The following RUNX1 variants were observed in gnomAD, a reference collection of about 807,000 sequenced individuals.
RUNX1 encodes runt-related transcription factor 1.
A neutral mutation model predicts 42.8 loss-of-function variants in RUNX1; 19 were observed. That is an observed-to-expected ratio of 0.44 (90% CI 0.31 to 0.65). The LOEUF (loss-of-function observed/expected upper bound fraction) is 0.65, where lower values mean the gene tolerates loss of function less well. Ranked by LOEUF, RUNX1 falls within the 30% of genes least tolerant of loss-of-function variation. The pLI is 0.07. For synonymous variants in RUNX1, 271 were observed against 289.4 expected (o/e 0.94, Z 0.64); for missense variants, 528 against 672.0 (o/e 0.79, Z 2.37).
Position 34,931,750 on chromosome 21 carries a change from A to G in RUNX1, c.59-38787T>C, listed in dbSNP as rs1296027029. 3.3e-5 allele frequency among the ~76,000 whole-genome samples: 5 copies of G among 151,682 alleles called. No individual in the cohort carries two copies. In the East Asian group the frequency reaches 9.7e-4, roughly 29 times the overall value. On this transcript the variant is annotated intron_variant, in intron 2 of 8. Transcript: ENST00000675419. The stretch of plus-strand genomic sequence containing the variant: ...GTGATCAATTATTGATGTCTGCAAC[A>G]GGCAAGAGGGGAAGATGTGGCTGGC...
intron 2 of RUNX1, among the ~76,000 whole-genome samples, chr21:34,956,974 G>A (rs1462443350): frequency 2.6e-5 from 4 of 152,198 alleles, no homozygotes; most frequent in Admixed American, 6.5e-5. Context: ...ACGTGGCAGG[G>A]CCACGGGTTA....
chr21:34,867,299 G>A (rs752215091), intron 5 of RUNX1, among the ~76,000 whole-genome samples: 1 of 152,042 alleles, frequency 6.6e-6, no homozygotes, highest in Non-Finnish European at 1.5e-5. Context: ...AATTAGCTGG[G>A]CATGGTGGCA....
intron 2 of RUNX1, among the ~76,000 whole-genome samples, chr21:34,904,301 AT>A (rs1160550781): frequency 1.3e-5 from 2 of 152,106 alleles, no homozygotes; most frequent in African/African-American, 4.8e-5. Flanking sequence ...GAGTGGAAAG[AT>A]TTTTTTAATA....
At chr21:34,998,867 C>T (rs2059018776) in intron 2 of RUNX1, among the ~76,000 whole-genome samples, 1 of 152,162 alleles carries the variant, frequency 6.6e-6, no homozygotes, top group Non-Finnish European at 1.5e-5. Context: ...CAAAACAAAC[C>T]ACAAACGCTC....
Position 34,928,725 on chromosome 21 carries a change from T to A in RUNX1, c.59-35762A>T, listed in dbSNP as rs76438794. Among the ~76,000 whole-genome samples the A allele has an allele frequency of 8.4e-3, 1,278 of 151,800 alleles. 15 individuals are homozygous for A. The highest frequency in any genetic ancestry group is 0.03 in the African/African-American group (1,229 of 41,338). ...GTTACAACTAGAAGGCTGATTTAGA[T>A]TTTTTGGCCAAAGTTATATGTTTCT... On this transcript the variant is annotated intron_variant, in intron 2 of 8. Transcript: ENST00000675419.
chr21:35,017,203 C>A (rs186011757), intron 2 of RUNX1, among the ~76,000 whole-genome samples: 1 of 152,248 alleles, frequency 6.6e-6, no homozygotes, highest in Admixed American at 6.5e-5. Context: ...AGGGGTAAAG[C>A]CTTTCTTTCC....
chr21:34,993,664 CAG>C (rs762343143), intron 2 of RUNX1, among the ~76,000 whole-genome samples: 4 of 134,302 alleles, frequency 3.0e-5, no homozygotes, highest in Non-Finnish European at 6.3e-5. Flanking sequence ...CACAGACACA[CAG>C]AGACACACAC....
rs543640352 is a variant in RUNX1 at position 34,931,349 on chromosome 21, T to TATAA, written c.59-38387_59-38386insTTAT. ...ATATATACACATTTATATATATATA[T>TATAA]ACATGTGTATATATATGTGTATATA... On this transcript the variant is annotated intron_variant, in intron 2 of 8. Coordinates refer to ENST00000675419, the MANE Select transcript of RUNX1 (RefSeq NM_001754.5). Among the ~76,000 whole-genome samples the TATAA allele has an allele frequency of 7.6e-3, 1,115 of 145,986 alleles. 8 individuals carry two copies. Among genetic ancestry groups the TATAA allele is most frequent in the African/African-American group, 0.019 (758 of 39,292 alleles).
chr21:34,862,466 A>G (rs7275871), intron 5 of RUNX1, among the ~76,000 whole-genome samples: 9,360 of 152,204 alleles, frequency 0.061, 664 homozygotes, highest in African/African-American at 0.17. Context: ...AGAAATTAAG[A>G]CTTTCACAAT....
rs2145859646 is a variant in RUNX1, at chr21:34,789,033, A to G, written c.*3102T>C. 4.3e-6 allele frequency: 1 copy of G among 233,360 alleles called. No individual in the cohort carries two copies. The highest frequency in any genetic ancestry group is 2.2e-5 in the African/African-American group (1 of 45,482). 14.5% of individuals were successfully genotyped at this position (233,360 alleles called of 1,614,324 possible). On this transcript the variant is annotated 3_prime_UTR_variant, in exon 9 of 9. Transcript: ENST00000675419. The stretch of plus-strand genomic sequence containing the variant: ...TATCTGCACAGAAACCCAAGGCAGC[A>G]GAAAGGCTGTCTATTTACTCACTGA...
intron 2 of RUNX1, among the ~76,000 whole-genome samples, chr21:34,978,253 T>C (rs1251232758): frequency 6.6e-6 from 1 of 152,218 alleles, no homozygotes; most frequent in Non-Finnish European, 1.5e-5. Flanking sequence ...ACAGTATTTT[T>C]TGACCAATGA....
At chr21:35,031,344 G>A (rs1017611409) in intron 2 of RUNX1, among the ~76,000 whole-genome samples, 8 of 152,020 alleles carry the variant, frequency 5.3e-5, no homozygotes, top group Non-Finnish European at 7.4e-5. Flanking sequence ...ACGAAACTCC[G>A]TCTCAAAAAA....
intron 8 of RUNX1, among the ~76,000 whole-genome samples, chr21:34,797,104 G>T (rs2145898346): frequency 6.6e-6 from 1 of 152,340 alleles, no homozygotes; most frequent in East Asian, 1.9e-4. Flanking sequence ...TTTCAGGCCT[G>T]TGCTCCAGGC....
Position 34,907,106 on chromosome 21 carries a change from A to T in RUNX1, c.59-14143T>A, listed in dbSNP as rs993342805. Among the ~76,000 whole-genome samples, 3 of 152,172 alleles carry T rather than the reference A, an allele frequency of 2.0e-5. No individual in the cohort carries two copies. The highest frequency in any genetic ancestry group is 2.9e-5 in the Non-Finnish European group (2 of 68,024). On this transcript the variant is annotated intron_variant, in intron 2 of 8. Coordinates refer to ENST00000675419, the MANE Select transcript of RUNX1 (RefSeq NM_001754.5). The surrounding 1 kb of genome is among the most constrained non-coding windows in gnomAD (Gnocchi z 5.3). ...GTATTCAAAGTCAGCCAGGAGGGTC[A>T]TGTGCCCCCTTCAGTGAAAACCTTG...
chr21:34,926,658 G>T (rs983549030), intron 2 of RUNX1, among the ~76,000 whole-genome samples: 1 of 151,878 alleles, frequency 6.6e-6, no homozygotes, highest in Admixed American at 6.6e-5. Context: ...TATAAAGCAG[G>T]CTTTTTAACC....
intron 6 of RUNX1, among the ~76,000 whole-genome samples, chr21:34,836,814 A>T (rs1451234065): frequency 1.3e-5 from 2 of 152,130 alleles, no homozygotes; most frequent in African/African-American, 4.8e-5. Context: ...GGTCATTCTG[A>T]ATACACAGCA....
In RUNX1 at chr21:34,792,319, C is replaced by T. The variant is rs1442265949; in HGVS notation, c.1259G>A (p.Gly420Asp). ...SAGSYQFSMVGGERSPPRILP... is the reference protein window; with the variant it reads ...SAGSYQFSMVDGERSPPRILP... Reference sequence around the variant, plus strand: ...GATGCGCGGCGGCGAGCGCTCGCCGCCCACCATGGAGAACTGGTAGGAGCC... The same window carrying T: ...GATGCGCGGCGGCGAGCGCTCGCCGTCCACCATGGAGAACTGGTAGGAGCC... The change falls in exon 9 of 9, where the codon GGC (glycine) becomes GAC (aspartate). Residue 420 changes from glycine to aspartate, a missense_variant. This residue lies in a region of RUNX1 where 331 missense variants were observed against 382.5 expected (regional missense o/e 0.87). Coordinates refer to ENST00000675419, the MANE Select transcript of RUNX1 (RefSeq NM_001754.5). The surrounding 1 kb of genome is among the most constrained non-coding windows in gnomAD (Gnocchi z 6.9). The T allele has an allele frequency of 5.2e-6, 8 of 1,549,018 alleles. No homozygotes were observed. The highest frequency in any genetic ancestry group is 1.4e-5 in the African/African-American group (1 of 73,014).
chr21:34,938,172 G>A (rs1462854002), intron 2 of RUNX1, among the ~76,000 whole-genome samples: 1 of 152,154 alleles, frequency 6.6e-6, no homozygotes, highest in East Asian at 1.9e-4. Flanking sequence ...GATATTAAAT[G>A]CCTATATGTA....
chr21:34,799,121 A>G (rs544365819), intron 8 of RUNX1, among the ~76,000 whole-genome samples, 180 bp downstream of exon 8: 1 of 152,244 alleles, frequency 6.6e-6, no homozygotes, highest in Non-Finnish European at 1.5e-5. Flanking sequence ...CACATCCACA[A>G]TCTCTGCCTC....
Sources: allele counts gnomAD v4.1 joint callset (sites outside exome capture counted in the v4.1 genomes callset), GRCh38; gene constraint gnomAD v4.1.1; regional missense constraint gnomAD v4.1.1; non-coding constraint Gnocchi (gnomAD v3.1); transcripts MANE v1.5; gene names NCBI Gene and HGNC (gene_info 2026-07-23, HGNC 2026-07-21).